DAPK2: variants seen among roughly 807,000 people sequenced by gnomAD.
The protein encoded by DAPK2 is death associated protein kinase 2, also known as death-associated protein kinase 2.
Under a neutral mutation model 44.1 loss-of-function variants are expected in DAPK2, and 35 were observed. The ratio of observed to expected loss-of-function variants is 0.79; its 90% confidence interval spans 0.61 to 1.05. The LOEUF (loss-of-function observed/expected upper bound fraction) is 1.05. Ranked by LOEUF, DAPK2 falls within the 50% of genes least tolerant of loss-of-function variation. The pLI is 0.00. For synonymous variants in DAPK2, 174 were observed against 182.6 expected (o/e 0.95, Z 0.38); for missense variants, 453 against 483.2 (o/e 0.94, Z 0.59).
chr15:63,960,222 G>A (rs188359798), intron 3 of DAPK2, among the ~76,000 whole-genome samples: 307 of 152,018 alleles, frequency 2.0e-3, no homozygotes, highest in African/African-American at 6.4e-3. Context: ...ATTTTTTATC[G>A]CATCTATTTG....
chr15:63,923,176 G>C lies in DAPK2; in HGVS notation c.858+1640C>G, dbSNP rs4776669. 0.96 allele frequency: 1,481,855 copies of C among 1,535,714 alleles called. 718,707 individuals are homozygous for C. The highest frequency in any genetic ancestry group is 1 in the East Asian group (40,806 of 40,886). On this transcript the variant is annotated intron_variant, in intron 8 of 10. Coordinates refer to ENST00000261891, the Ensembl canonical transcript of DAPK2. The surrounding 1 kb of genome is among the most constrained non-coding windows in gnomAD (Gnocchi z 4.2). The stretch of plus-strand genomic sequence containing the variant: ...CCACCAGGGCACGGCATCCCAGGTC[G>C]ACCCGAGCCACGTCTTCCACCACAC...
intron 1 of DAPK2, among the ~76,000 whole-genome samples, chr15:64,005,270 C>T (rs1226765035): frequency 3.3e-5 from 5 of 151,916 alleles, no homozygotes; most frequent in Non-Finnish European, 7.4e-5. Flanking sequence ...AGTCATCCTA[C>T]CTAGATTTTC....
chr15:63,914,363 G>C (rs2078872194), intron 8 of DAPK2, among the ~76,000 whole-genome samples: 1 of 152,166 alleles, frequency 6.6e-6, no homozygotes, highest in African/African-American at 2.4e-5. Flanking sequence ...GAAGGAAAGA[G>C]AGGAGGGGAA....
intron 8 of DAPK2, chr15:63,922,635 A>G: frequency 7.0e-7 from 1 of 1,436,704 alleles, no homozygotes; most frequent in Non-Finnish European, 9.1e-7. Context: ...CTACAGACAC[A>G]CACCCCTGCA....
chr15:63,943,388 A>G (rs1270905698), intron 3 of DAPK2, among the ~76,000 whole-genome samples: 3 of 152,186 alleles, frequency 2.0e-5, no homozygotes, highest in Non-Finnish European at 2.9e-5. Flanking sequence ...TGATTGTGCC[A>G]CTATACTCCA....
intron 3 of DAPK2, among the ~76,000 whole-genome samples, chr15:63,952,504 G>C (rs942073698): frequency 6.6e-6 from 1 of 152,158 alleles, no homozygotes; most frequent in Non-Finnish European, 1.5e-5. Flanking sequence ...GTTTTGGAGA[G>C]AGGAACAGTG....
intron 3 of DAPK2, among the ~76,000 whole-genome samples, chr15:63,952,352 G>A (rs2077612479): frequency 6.6e-6 from 1 of 152,208 alleles, no homozygotes; most frequent in South Asian, 2.1e-4. Context: ...GGAGGAAATG[G>A]CAATTCTGTT....
chr15:64,021,281 G>C (rs1390118071), intron 1 of DAPK2, among the ~76,000 whole-genome samples: 1 of 152,202 alleles, frequency 6.6e-6, no homozygotes, highest in Non-Finnish European at 1.5e-5. Context: ...GACGACTCTG[G>C]CACATGAAAG....
At chr15:64,044,215 C>T (rs563578353), upstream of DAPK2, among the ~76,000 whole-genome samples, 2 of 152,276 alleles carry the variant, frequency 1.3e-5, no homozygotes, top group South Asian at 4.1e-4. Context: ...CAGATGCTCC[C>T]AGGATGATAC....
chr15:64,023,146 T>A (rs1274128932), intron 1 of DAPK2, among the ~76,000 whole-genome samples: 3 of 151,962 alleles, frequency 2.0e-5, no homozygotes, highest in Admixed American at 1.3e-4. Flanking sequence ...TGGAGGAGGG[T>A]GGAAGCTGAC....
At chr15:63,934,154 C>T (rs1247204099) in intron 4 of DAPK2, among the ~76,000 whole-genome samples, 2 of 150,896 alleles carry the variant, frequency 1.3e-5, no homozygotes, top group African/African-American at 4.9e-5. Context: ...TATAAATCAA[C>T]ATTTTGATGC....
At chr15:64,019,289 T>C (rs955097363) in intron 1 of DAPK2, among the ~76,000 whole-genome samples, 3 of 152,272 alleles carry the variant, frequency 2.0e-5, no homozygotes, top group Non-Finnish European at 4.4e-5. Flanking sequence ...AAAAAAATTC[T>C]GAAATCTTAT....
chr15:63,945,524 A>G (rs2077426795), intron 3 of DAPK2, among the ~76,000 whole-genome samples: 1 of 152,126 alleles, frequency 6.6e-6, no homozygotes, highest in African/African-American at 2.4e-5. Context: ...GCACTAAGGG[A>G]GGGTCCAAAA....
At chr15:64,012,550 A>G (rs1414172068) in intron 1 of DAPK2, among the ~76,000 whole-genome samples, 1 of 152,262 alleles carries the variant, frequency 6.6e-6, no homozygotes, top group African/African-American at 2.4e-5. Context: ...ATTATGGTCC[A>G]TCCATAACAG....
intron 2 of DAPK2, among the ~76,000 whole-genome samples, chr15:63,973,814 C>A (rs2078276285): frequency 6.6e-6 from 1 of 152,176 alleles, no homozygotes; most frequent in East Asian, 1.9e-4. Flanking sequence ...AAATGCTGTG[C>A]CAGAAACTAA....
rs764352298 is a variant in DAPK2 at position 63,983,593 on chromosome 15, T to C, written c.254A>G (p.Asn85Ser). 31 of 1,614,056 alleles carry C rather than the reference T, an allele frequency of 1.9e-5. No homozygotes were observed. The highest frequency in any genetic ancestry group is 3.3e-5 in the Admixed American group (2 of 60,012). ...ATAGACGTCGTGCAGCGTGATGACA[T>C]TGTGGTGCAGCACCTGCCGCAGGAT... Residue 85 changes from asparagine to serine, a missense_variant, in exon 2 of 11, where the codon AAT becomes AGT. By Grantham distance (46) the Asn-to-Ser change is conservative (BLOSUM62 1). Coordinates refer to ENST00000261891, the Ensembl canonical transcript of DAPK2.
Position 64,020,954 on chromosome 15 carries a change from T to C in DAPK2, c.92+19216A>G, listed in dbSNP as rs1369265646. Among the ~76,000 whole-genome samples the C allele has an allele frequency of 6.6e-6, 1 of 152,168 alleles. No homozygotes were observed. Among genetic ancestry groups the C allele is most frequent in the African/African-American group, 2.4e-5 (1 of 41,430 alleles). ...GCCTTGCCCAGGTGCATTAACGTAT[T>C]GGTAGCCAAAGTGGGATATGAAGCA... is the stretch of plus-strand genomic sequence containing the variant. On this transcript the variant is annotated intron_variant, in intron 1 of 10. Coordinates refer to ENST00000261891, the Ensembl canonical transcript of DAPK2. This position sits in a 1 kb window ranked among gnomAD's most constrained non-coding sequence, Gnocchi z 4.5.
chr15:63,956,613 G>A (rs998196151), intron 3 of DAPK2, among the ~76,000 whole-genome samples: 10 of 150,248 alleles, frequency 6.7e-5, no homozygotes, highest in Non-Finnish European at 1.3e-4. Flanking sequence ...TTTAGATGGA[G>A]TCGCACTCCG....
chr15:64,000,354 T>A (rs879476441), intron 1 of DAPK2, among the ~76,000 whole-genome samples: 2 of 152,108 alleles, frequency 1.3e-5, no homozygotes, highest in African/African-American at 2.4e-5. Flanking sequence ...CCTGAACAAA[T>A]ACGTGCACCA....
Sources: allele counts gnomAD v4.1 joint callset (sites outside exome capture counted in the v4.1 genomes callset), GRCh38; gene constraint gnomAD v4.1.1; non-coding constraint Gnocchi (gnomAD v3.1); transcripts MANE v1.5; gene names NCBI Gene and HGNC (gene_info 2026-07-23, HGNC 2026-07-21).